PVT1: variants seen among roughly 807,000 people sequenced by gnomAD.
PVT1 encodes Pvt1 oncogene.
At chr8:128,057,812 GC>G (rs1217743550) in intron 4 of PVT1, among the ~76,000 whole-genome samples, 1 of 152,192 alleles carries the variant, frequency 6.6e-6, no homozygotes, top group Non-Finnish European at 1.5e-5. Flanking sequence ...CACTTCCTGA[GC>G]CTTGGCTTAT....
chr8:127,884,881 G>A (rs1815507240), intron 2 of PVT1, among the ~76,000 whole-genome samples: 1 of 152,234 alleles, frequency 6.6e-6, no homozygotes, highest in South Asian at 2.1e-4. Flanking sequence ...CCACTTGACT[G>A]CAGTAATACC....
intron 3 of PVT1, among the ~76,000 whole-genome samples, chr8:127,954,303 T>TTC (rs1340942891): frequency 2.0e-5 from 3 of 149,228 alleles, no homozygotes; most frequent in Non-Finnish European, 3.0e-5. Context: ...CACTTTTTTT[T>TTC]TTTTTTTTTT....
intron 4 of PVT1, among the ~76,000 whole-genome samples, chr8:128,017,464 CAG>C (rs1317678619): frequency 1.3e-5 from 2 of 152,156 alleles, no homozygotes; most frequent in African/African-American, 4.8e-5. Flanking sequence ...GTTTCTGAGA[CAG>C]AGTCTTGCTC....
intron 2 of PVT1, among the ~76,000 whole-genome samples, chr8:127,824,841 C>T (rs1003899306): frequency 2.0e-5 from 3 of 152,048 alleles, no homozygotes; most frequent in African/African-American, 7.2e-5. Flanking sequence ...TTAATGTGGC[C>T]GGGCATGAAG....
intron 3 of PVT1, among the ~76,000 whole-genome samples, chr8:127,982,809 C>T (rs909085260): frequency 6.6e-6 from 1 of 152,182 alleles, no homozygotes; most frequent in African/African-American, 2.4e-5. Flanking sequence ...ACCCTCATGT[C>T]CCCAGACCCC....
intron 2 of PVT1, among the ~76,000 whole-genome samples, chr8:127,878,501 G>A (rs1349964459): frequency 6.6e-6 from 1 of 152,190 alleles, no homozygotes; most frequent in Non-Finnish European, 1.5e-5. Flanking sequence ...GTTTGTCTCT[G>A]AAGCGTTGGT....
intron 3 of PVT1, among the ~76,000 whole-genome samples, chr8:127,930,811 A>G (rs1269650951): frequency 6.6e-6 from 1 of 152,146 alleles, no homozygotes; most frequent in Non-Finnish European, 1.5e-5. Flanking sequence ...TGATGATATC[A>G]TGGGCTGTGA....
At chr8:128,034,098 T>TAAAAGC (rs956003227) in intron 4 of PVT1, among the ~76,000 whole-genome samples, 1 of 151,224 alleles carries the variant, frequency 6.6e-6, no homozygotes, top group African/African-American at 2.4e-5. Flanking sequence ...TTTGGCCTAA[T>TAAAAGC]AAAAGCAAAG....
At chr8:127,984,843 TTCTTTCTTTCTTTC>T (rs1563657337) in intron 3 of PVT1, among the ~76,000 whole-genome samples, 1 of 17,246 alleles carries the variant, frequency 5.8e-5, no homozygotes, top group African/African-American at 2.1e-4. Flanking sequence ...TTTCTTTTCT[TTCTTTCTTTCTTTC>T]TTTCTTTCTT....
At chr8:127,987,644 C>G (rs763151929) in intron 3 of PVT1, among the ~76,000 whole-genome samples, 4 of 152,212 alleles carry the variant, frequency 2.6e-5, no homozygotes, top group Non-Finnish European at 5.9e-5. Context: ...GAAACTGAGG[C>G]TCAGAGAGCT....
chr8:128,046,472 A>G lies in PVT1; in HGVS notation n.913-23688A>G, dbSNP rs552539487. Among the ~76,000 whole-genome samples, 238 of 152,318 alleles carry G rather than the reference A, an allele frequency of 1.6e-3. 1 individual carries two copies. Among genetic ancestry groups the G allele is most frequent in the African/African-American group, 4.7e-3 (196 of 41,560 alleles). The stretch of plus-strand genomic sequence containing the variant: ...GCCACTGCATCTGTTGCCTTGTGGA[A>G]TGTTCTTAGAACTGTAGGATACTGG... On this transcript the variant is annotated intron_variant and non_coding_transcript_variant, in intron 4 of 10. Coordinates refer to ENST00000651587, the Ensembl canonical transcript of PVT1.
At chr8:128,081,859 A>G (rs907503482) in intron 5 of PVT1, among the ~76,000 whole-genome samples, 8 of 152,210 alleles carry the variant, frequency 5.3e-5, no homozygotes, top group African/African-American at 1.4e-4. Context: ...AAACTAAACT[A>G]TTGTAGATCC....
chr8:128,003,139 C>T (rs919840972), intron 4 of PVT1, among the ~76,000 whole-genome samples: 2 of 141,182 alleles, frequency 1.4e-5, no homozygotes, highest in Admixed American at 1.5e-4. Context: ...GTAGCTGGGA[C>T]TACAGGCACC....
chr8:128,085,346 C>A (rs893765616), intron 5 of PVT1, among the ~76,000 whole-genome samples: 9 of 152,136 alleles, frequency 5.9e-5, no homozygotes, highest in Admixed American at 5.9e-4. Flanking sequence ...AAGCCCATCC[C>A]AAATTCTTGA....
intron 2 of PVT1, among the ~76,000 whole-genome samples, chr8:127,797,419 T>C (rs1053078137): frequency 1.2e-4 from 19 of 152,248 alleles, no homozygotes; most frequent in Admixed American, 1.3e-4. Flanking sequence ...ATTCCCAGTG[T>C]CCATGGTGGG....
Position 127,850,257 on chromosome 8 carries a change from G to A in PVT1, n.373-40332G>A, listed in dbSNP as rs191066861. The stretch of plus-strand genomic sequence containing the variant: ...CTCCCTTTAAGAGGACCTAGCGGTC[G>A]GTCTGGTTTACAACATAGGTTATCA... On this transcript the variant is annotated intron_variant and non_coding_transcript_variant, in intron 2 of 10. Coordinates refer to ENST00000651587, the Ensembl canonical transcript of PVT1. Among the ~76,000 whole-genome samples the A allele has an allele frequency of 1.1e-4, 16 of 152,220 alleles. No individual in the cohort carries two copies. The East Asian group carries it at 2.9e-3, about 28-fold the overall frequency.
At chr8:128,100,352 A>C (rs1324058854) in intron 6 of PVT1, among the ~76,000 whole-genome samples, 2 of 152,194 alleles carry the variant, frequency 1.3e-5, no homozygotes, top group Non-Finnish European at 2.9e-5. Flanking sequence ...CGATGCATCC[A>C]GTGTGGGGCA....
intron 3 of PVT1, among the ~76,000 whole-genome samples, chr8:127,958,845 C>A (rs1438921233): frequency 6.6e-6 from 1 of 152,134 alleles, no homozygotes; most frequent in Non-Finnish European, 1.5e-5. Context: ...CCACGGGAGC[C>A]ATGTGCCAGG....
At chr8:127,863,094 ATTTATTTATTT>A (rs2129754621) in intron 2 of PVT1, among the ~76,000 whole-genome samples, 2 of 126,674 alleles carry the variant, frequency 1.6e-5, no homozygotes, top group East Asian at 4.3e-4. Flanking sequence ...TTATTTATTT[ATTTATTTATTT>A]ATTTATTTAT....
Sources: allele counts gnomAD v4.1 joint callset (sites outside exome capture counted in the v4.1 genomes callset), GRCh38; gene constraint gnomAD v4.1.1; transcripts MANE v1.5; gene names NCBI Gene and HGNC (gene_info 2026-07-23, HGNC 2026-07-21).